EPB41L2: variants seen among roughly 807,000 people sequenced by gnomAD.
The protein encoded by EPB41L2 is erythrocyte membrane protein band 4.1 like 2, also known as band 4.1-like protein 2.
EPB41L2 carries 43 observed loss-of-function variants against 113.0 expected under a neutral mutation model. The ratio of observed to expected loss-of-function variants is 0.38; its 90% CI spans 0.30 to 0.49. EPB41L2 has a LOEUF of 0.49. EPB41L2 is among the 20% of genes least tolerant of loss of function. The pLI is 0.95. For synonymous variants in EPB41L2, 442 were observed against 436.7 expected, an observed-to-expected ratio of 1.01 and a Z score of -0.15; for missense variants, 1,147 against 1,223.4, an observed-to-expected ratio of 0.94 and a Z score of 0.93.
At chr6:130,911,999 A>G (rs1799567270) in intron 4 of EPB41L2, among the ~76,000 whole-genome samples, 1 of 152,308 alleles carries the variant, frequency 6.6e-6, no homozygotes, top group South Asian at 2.1e-4. Flanking sequence ...TTACCACCTG[A>G]GCACCGCCTC....
intron 19 of EPB41L2, among the ~76,000 whole-genome samples, chr6:130,855,589 T>C (rs1370766221): frequency 6.6e-6 from 1 of 152,228 alleles, no homozygotes; most frequent in Non-Finnish European, 1.5e-5. Context: ...TGTATCTCTC[T>C]ATGCTAGCAA....
chr6:130,860,564 G>A (rs1467891736), intron 18 of EPB41L2, among the ~76,000 whole-genome samples: 5 of 151,922 alleles, frequency 3.3e-5, no homozygotes, highest in Non-Finnish European at 5.9e-5. Flanking sequence ...ACGGAGTCTC[G>A]CTCTGTCGCC....
chr6:131,021,829 C>T (rs948308745), intron 1 of EPB41L2, among the ~76,000 whole-genome samples: 2 of 152,128 alleles, frequency 1.3e-5, no homozygotes, highest in African/African-American at 2.4e-5. Context: ...TTGGTAAGGA[C>T]GAACCCAGAC....
At chr6:130,918,391 T>C (rs1210916449) in intron 4 of EPB41L2, among the ~76,000 whole-genome samples, 1 of 152,116 alleles carries the variant, frequency 6.6e-6, no homozygotes, top group Non-Finnish European at 1.5e-5. Flanking sequence ...ACATCAAAAA[T>C]TCAAGACAAT....
chr6:130,957,846 C>T (rs1304121059), intron 1 of EPB41L2, among the ~76,000 whole-genome samples: 2 of 152,180 alleles, frequency 1.3e-5, no homozygotes, highest in African/African-American at 4.8e-5. Flanking sequence ...AAAAAGAAAT[C>T]CTGTGCCCAT....
rs754048245 is a variant in EPB41L2 at position 130,869,674 on chromosome 6, G to A, written c.2496C>T (p.Gly832=). 35 of 1,613,968 alleles carry A rather than the reference G, an allele frequency of 2.2e-5. No homozygotes were observed. The highest frequency in any genetic ancestry group is 4.0e-5 in the African/African-American group (3 of 74,884). ...CTTCTCCCATGTCTTGCTTAAGAGC[G>A]CCTTCGTGTACACTCTTCTCTCCGG... ...KIPGEKSVHE[G]ALKQDMGEEA... is the part of the protein sequence containing the mutation. Residue 832 remains glycine, a synonymous_variant, in exon 15 of 20, where the codon GGC becomes GGT. Coordinates refer to ENST00000337057, the MANE Select transcript of EPB41L2 (RefSeq NM_001431.4).
At chr6:130,862,413 G>A (rs1450106900) in intron 18 of EPB41L2, among the ~76,000 whole-genome samples, 3 of 152,174 alleles carry the variant, frequency 2.0e-5, no homozygotes, top group Non-Finnish European at 1.5e-5. Flanking sequence ...AGTGCTTATT[G>A]AGAAGAGTCC....
intron 5 of EPB41L2, among the ~76,000 whole-genome samples, chr6:130,905,621 A>G (rs1053620756): frequency 2.0e-5 from 3 of 151,948 alleles, no homozygotes; most frequent in African/African-American, 4.8e-5. Flanking sequence ...GGGTCTCCCT[A>G]TGTTGCCAGG....
chr6:130,941,259 AT>A (rs1810780891), intron 3 of EPB41L2, among the ~76,000 whole-genome samples: 1 of 152,138 alleles, frequency 6.6e-6, no homozygotes, highest in South Asian at 2.1e-4. Flanking sequence ...AAAACCCAGG[AT>A]TTTTGTCCAA....
In EPB41L2 at chr6:130,957,461, G is replaced by A. The variant is rs189006492; in HGVS notation, c.-14-962C>T. On this transcript the variant is annotated intron_variant, in intron 1 of 19. Coordinates refer to ENST00000337057, the MANE Select transcript of EPB41L2 (RefSeq NM_001431.4). ...CCAATAATAAGTGCCCAGAGTCCTG[G>A]CACCCTGGACAACGAGTAGTGTCCC... 1.5e-3 allele frequency among the ~76,000 whole-genome samples: 235 copies of A among 152,244 alleles called. 3 individuals are homozygous for A. Among genetic ancestry groups the A allele is most frequent in the African/African-American group, 5.2e-3 (218 of 41,550 alleles).
At chr6:131,002,791 G>T (rs546440214) in intron 1 of EPB41L2, among the ~76,000 whole-genome samples, 4 of 152,182 alleles carry the variant, frequency 2.6e-5, no homozygotes, top group African/African-American at 9.6e-5. Context: ...TCTTCCAATC[G>T]CTTGGGCCAA....
chr6:130,867,883 C>T, intron 15 of EPB41L2: 1 of 354,444 alleles, frequency 2.8e-6, no homozygotes, highest in Non-Finnish European at 5.4e-6. Flanking sequence ...AATTATGTTA[C>T]TCTTTAAATT....
intron 19 of EPB41L2, among the ~76,000 whole-genome samples, chr6:130,855,313 T>C (rs1779885394): frequency 6.6e-6 from 1 of 152,108 alleles, no homozygotes; most frequent in Non-Finnish European, 1.5e-5. Flanking sequence ...ATTGCGCCAC[T>C]GCACTCCAGC....
intron 19 of EPB41L2, among the ~76,000 whole-genome samples, chr6:130,850,636 T>G (rs1041233854): frequency 6.6e-6 from 1 of 152,176 alleles, no homozygotes; most frequent in Admixed American, 6.5e-5. Context: ...TCTGGGAGCA[T>G]GGGACTTATG....
intron 1 of EPB41L2, among the ~76,000 whole-genome samples, chr6:131,049,211 C>T (rs2128194325): frequency 6.6e-6 from 1 of 152,314 alleles, no homozygotes; most frequent in South Asian, 2.1e-4. Context: ...AATGTATTCA[C>T]ATTCCCATAT....
chr6:131,054,521 C>T (rs1197937942), intron 1 of EPB41L2, among the ~76,000 whole-genome samples: 1 of 152,214 alleles, frequency 6.6e-6, no homozygotes, highest in Non-Finnish European at 1.5e-5. Flanking sequence ...CTCTATTTAT[C>T]CCTACTTATC....
intron 11 of EPB41L2, among the ~76,000 whole-genome samples, chr6:130,885,918 A>G (rs1370977503): frequency 6.6e-6 from 1 of 152,162 alleles, no homozygotes; most frequent in East Asian, 1.9e-4. Context: ...CCTGGCCCTC[A>G]TGTGCTCTCT....
chr6:130,980,681 C>T (rs1260499466), intron 1 of EPB41L2, among the ~76,000 whole-genome samples: 2 of 152,030 alleles, frequency 1.3e-5, no homozygotes, highest in African/African-American at 4.8e-5. Flanking sequence ...CCATACCACA[C>T]CAGAATGGAG....
intron 3 of EPB41L2, among the ~76,000 whole-genome samples, chr6:130,931,270 T>C (rs969808294): frequency 3.3e-5 from 5 of 152,160 alleles, no homozygotes; most frequent in Non-Finnish European, 7.4e-5. Context: ...TTATTATTTA[T>C]ACTCAACATA....
Sources: gnomAD v4.1 joint callset for allele counts (sites outside exome capture counted in the v4.1 genomes callset) on GRCh38, gnomAD v4.1.1 for gene constraint, MANE v1.5 for transcripts, NCBI Gene and HGNC (gene_info 2026-07-23, HGNC 2026-07-21) for gene names.